The following GPNMB variants were observed in gnomAD, a reference collection of about 807,000 sequenced individuals.
The protein encoded by GPNMB is transmembrane glycoprotein NMB.
GPNMB carries 71 observed loss-of-function variants against 57.3 expected under a neutral mutation model. The ratio of observed to expected loss-of-function variants is 1.24; its 90% CI spans 1.02 to 1.51. GPNMB has a LOEUF of 1.51. GPNMB is among the 40% of genes most tolerant of loss of function. The probability of loss-of-function intolerance (pLI) is 0.00; values close to 1 mark genes in which losing one functional copy is unlikely to be tolerated. For synonymous variants in GPNMB, 253 were observed against 263.2 expected, an observed-to-expected ratio of 0.96 and a Z score of 0.38; for missense variants, 677 against 691.9, an observed-to-expected ratio of 0.98 and a Z score of 0.24.
At chr7:23,257,291 T>C (rs1279553767) in intron 4 of GPNMB, 7 of 594,542 alleles carry the variant, frequency 1.2e-5, no homozygotes, top group Non-Finnish European at 1.5e-5. Context: ...AACAAAAAGA[T>C]TAAGCTCTTT....
At chr7:23,266,710 G>A (rs1783072638) in intron 7 of GPNMB, 95 bp downstream of exon 7, 2 of 1,085,516 alleles carry the variant, frequency 1.8e-6, no homozygotes, top group Admixed American at 2.5e-5. Context: ...AGAGGTAGGT[G>A]GTAAGGGCAC....
chr7:23,271,498 A>G (rs193189225), intron 9 of GPNMB, among the ~76,000 whole-genome samples: 48 of 152,348 alleles, frequency 3.2e-4, no homozygotes, highest in African/African-American at 1.2e-3. Context: ...ACAAACAAAC[A>G]AAAACACATA....
chr7:23,266,350 G>A (rs1052312106), intron 6 of GPNMB, 167 bp from the exon 7 acceptor site: 1 of 635,908 alleles, frequency 1.6e-6, no homozygotes, highest in Non-Finnish European at 2.7e-6. Flanking sequence ...TCACATCTGT[G>A]TAAATTATGA....
Position 23,246,783 on chromosome 7 carries a change from A to T in GPNMB, c.-75A>T, listed in dbSNP as rs777900502. 3.1e-5 allele frequency: 33 copies of T among 1,054,222 alleles called. No individual in the cohort carries two copies. Among genetic ancestry groups the T allele is most frequent in the Non-Finnish European group, 4.0e-5 (27 of 670,286 alleles). The allele number at this position is 1,054,222 out of a possible 1,614,324, so 65.3% of individuals were successfully genotyped here. On this transcript the variant is annotated 5_prime_UTR_variant, in exon 1 of 11. Transcript: ENST00000258733. ...GAGGCACCACAGATGCCAGAAGAAC[A>T]CTGTTGCTCTTGGTGGACGGGCCCA...
At chr7:23,255,736 T>C (rs928228577) in intron 3 of GPNMB, among the ~76,000 whole-genome samples, 6 of 152,146 alleles carry the variant, frequency 3.9e-5, no homozygotes, top group Non-Finnish European at 7.4e-5. Flanking sequence ...CTTTCAGCCA[T>C]TTTTGATTAA....
At chr7:23,271,409 A>T (rs900057054) in intron 9 of GPNMB, among the ~76,000 whole-genome samples, 5 of 152,240 alleles carry the variant, frequency 3.3e-5, no homozygotes, top group African/African-American at 1.2e-4. Context: ...TCATTCACTT[A>T]TAACTCCTTT....
intron 9 of GPNMB, among the ~76,000 whole-genome samples, chr7:23,272,545 G>A (rs1275317951): frequency 6.6e-6 from 1 of 152,154 alleles, no homozygotes; most frequent in Non-Finnish European, 1.5e-5. Context: ...AGAAGGAAAG[G>A]TTTTAATTCA....
chr7:23,252,744 T>C (rs190141638), intron 1 of GPNMB, among the ~76,000 whole-genome samples: 69 of 152,314 alleles, frequency 4.5e-4, no homozygotes, highest in African/African-American at 1.6e-3. Context: ...AAAAAAACAC[T>C]ATCAACTAGC....
At chr7:23,267,746 C>A in intron 7 of GPNMB, 140 bp from the exon 8 acceptor site, 1 of 681,690 alleles carries the variant, frequency 1.5e-6, no homozygotes, top group African/African-American at 1.8e-5. Context: ...AGACCCCCCT[C>A]CTAATGCTAT....
At chr7:23,248,287 C>T (rs563497485) in intron 1 of GPNMB, among the ~76,000 whole-genome samples, 1 of 152,160 alleles carries the variant, frequency 6.6e-6, no homozygotes, top group East Asian at 1.9e-4. Flanking sequence ...ACTTTAAAGA[C>T]GAAGGAACAC....
chr7:23,256,047 T>C (rs1562634539), intron 3 of GPNMB, among the ~76,000 whole-genome samples: 1 of 152,088 alleles, frequency 6.6e-6, no homozygotes, highest in East Asian at 1.9e-4. Context: ...GCTGGGATTA[T>C]AGGCGCATGC....
Position 23,274,973 on chromosome 7 carries a change from A to T in GPNMB, c.*749A>T, listed in dbSNP as rs954323290. 1.3e-5 allele frequency: 2 copies of T among 152,066 alleles called. No individual in the cohort carries two copies. The highest frequency in any genetic ancestry group is 2.9e-5 in the Non-Finnish European group (2 of 68,018). The allele number at this position is 152,066 out of a possible 1,614,324, so 9.4% of individuals were successfully genotyped here. On this transcript the variant is annotated 3_prime_UTR_variant, in exon 11 of 11. Coordinates refer to ENST00000258733, the MANE Select transcript of GPNMB (RefSeq NM_002510.3). ...AATCATATATTAAGACTTTCCAAAG[A>T]TGAGGTCCCTGGTTTTTCATGGCAA...
chr7:23,260,074 C>T lies in GPNMB; in HGVS notation c.636C>T (p.Val212=). Residue 212 remains valine (V), a synonymous_variant, in exon 5 of 11, where the codon GTC becomes GTT. Coordinates refer to ENST00000258733, the MANE Select transcript of GPNMB (RefSeq NM_002510.3). The part of the protein sequence containing the change: ...TLGPQLMEVT[V]YRRHGRAYVP... ...GGCCTCAACTCATGGAAGTGACTGT[C>T]TACAGAAGACATGGACGGGCATATG... is the stretch of plus-strand genomic sequence containing the variant. The T allele has an allele frequency of 6.2e-7, 1 of 1,613,974 alleles. No individual in the cohort carries two copies. The highest frequency in any genetic ancestry group is 8.5e-7 in the Non-Finnish European group (1 of 1,179,902).
rs749801572 is a variant in GPNMB, at chr7:23,260,101, T to G, written c.663T>G (p.Val221=). The change falls in exon 5 of 11, where the codon GTT becomes GTG. Residue 221 remains valine (V), a synonymous_variant. Coordinates refer to ENST00000258733, the MANE Select transcript of GPNMB (RefSeq NM_002510.3). ...TVYRRHGRAY[V]PIAQVKDVYV... is the part of the protein sequence containing the mutation. ...ACAGAAGACATGGACGGGCATATGT[T>G]CCCATCGCACAAGTGAAAGATGTGT... The G allele has an allele frequency of 1.9e-6, 3 of 1,613,934 alleles. No homozygotes were observed. Among genetic ancestry groups the G allele is most frequent in the Non-Finnish European group, 2.5e-6 (3 of 1,179,862 alleles).
intron 1 of GPNMB, among the ~76,000 whole-genome samples, chr7:23,248,495 G>GA (rs1562630190): frequency 1.3e-5 from 2 of 152,022 alleles, no homozygotes; most frequent in African/African-American, 4.8e-5. Context: ...ATTCTGCCCA[G>GA]AAAAAAATAA....
At chr7:23,266,023 A>T (rs1783049301) in intron 6 of GPNMB, 1 of 155,266 alleles carries the variant, frequency 6.4e-6, no homozygotes, top group African/African-American at 2.4e-5. Context: ...ATCTCGGCTC[A>T]CTGCAAGCTC....
intron 1 of GPNMB, chr7:23,250,806 T>C (rs965796310): frequency 6.6e-6 from 1 of 152,204 alleles, no homozygotes; most frequent in Non-Finnish European, 1.5e-5. Context: ...AAAGAACTTG[T>C]CCTTGTCCTG....
At chr7:23,270,315 T>C (rs923458558) in intron 9 of GPNMB, 140 bp downstream of exon 9, 3 of 618,788 alleles carry the variant, frequency 4.8e-6, no homozygotes, top group South Asian at 2.0e-5. Context: ...TTAATAAGGA[T>C]CTGAGGACTG....
intron 1 of GPNMB, among the ~76,000 whole-genome samples, chr7:23,249,157 G>A (rs965640322): frequency 6.6e-6 from 1 of 152,176 alleles, no homozygotes; most frequent in African/African-American, 2.4e-5. Context: ...CCTGGGCTCA[G>A]GCAATCGCCC....
Sources: gnomAD v4.1 joint callset for allele counts (sites outside exome capture counted in the v4.1 genomes callset) on GRCh38, gnomAD v4.1.1 for gene constraint, MANE v1.5 for transcripts, NCBI Gene and HGNC (gene_info 2026-07-23, HGNC 2026-07-21) for gene names.